Variants in ACIN1 observed in about 807,000 individuals in gnomAD.
ACIN1 encodes the protein apoptotic chromatin condensation inducer 1, also known as apoptotic chromatin condensation inducer in the nucleus.
Under a neutral mutation model 146.6 loss-of-function variants are expected in ACIN1, and 16 were observed. The observed-to-expected ratio is 0.11, with a 90% CI of 0.07 to 0.17. The LOEUF is 0.17. Ranked by LOEUF, ACIN1 falls within the 10% of genes least tolerant of loss-of-function variation. The pLI, the probability that ACIN1 is intolerant of heterozygous loss-of-function variation, is 1.00. For synonymous variants in ACIN1, 569 were observed against 582.7 expected (o/e 0.98, Z 0.34); for missense variants, 1,357 against 1,609.3 (o/e 0.84, Z 2.68).
intron 3 of ACIN1, 125 bp from the exon 4 acceptor site, chr14:23,090,226 G>T: frequency 7.5e-6 from 10 of 1,333,596 alleles, no homozygotes; most frequent in Non-Finnish European, 1.0e-5. Context: ...AAAGAGCACC[G>T]TATAAAAAGA....
intron 3 of ACIN1, 40 bp downstream of exon 3, chr14:23,090,482 A>C (rs2048202652): frequency 1.3e-6 from 2 of 1,566,168 alleles, no homozygotes; most frequent in East Asian, 4.5e-5. Context: ...CAGGGATAAG[A>C]ATGACGAACT....
intron 2 of ACIN1, among the ~76,000 whole-genome samples, chr14:23,091,504 G>A (rs1233336058): frequency 6.6e-6 from 1 of 150,836 alleles, no homozygotes; most frequent in Non-Finnish European, 1.5e-5. Context: ...GGTGGTGGGT[G>A]CAGTGAACTG....
In ACIN1 at chr14:23,078,846, C is replaced by A; in HGVS notation, c.1981G>T (p.Val661Leu). ...CGCTCAGGCTGTAACCTCTGGGTCACATGCTTTTCAGCTGATTCAGGCTGA... is the reference window on the plus strand; with the variant it reads ...CGCTCAGGCTGTAACCTCTGGGTCAAATGCTTTTCAGCTGATTCAGGCTGA... ...LSQPESAEKH[V>L]TQRLQPERGS... Residue 661 changes from valine to leucine, a missense_variant, in exon 7 of 19, where the codon GTG (valine) becomes TTG (leucine). By Grantham distance (32) the Val-to-Leu change is conservative. Around this residue, in one of 4 missense-constraint regions of ACIN1, gnomAD observed 771 missense variants for 746.6 expected, o/e 1.03. Coordinates refer to ENST00000605057, the MANE Select transcript of ACIN1 (RefSeq NM_001386863.1). 6.2e-7 allele frequency: 1 copy of A among 1,613,082 alleles called. No homozygotes were observed. Among genetic ancestry groups the A allele is most frequent in the Non-Finnish European group, 8.5e-7 (1 of 1,180,024 alleles).
intron 18 of ACIN1, among the ~76,000 whole-genome samples, chr14:23,059,845 G>C (rs568713321): frequency 0.011 from 1,614 of 148,246 alleles, 28 homozygotes; most frequent in African/African-American, 0.038. Flanking sequence ...CAGTAGAGAC[G>C]GGGCTTCACC....
rs1233115114 is a variant in ACIN1, at chr14:23,068,735, CT to C, written c.2265+740del. On this transcript the variant is annotated intron_variant, in intron 9 of 18. Transcript: ENST00000605057. The surrounding 1 kb of genome is among the most constrained non-coding windows in gnomAD (Gnocchi z 4.3). Reference sequence around the variant, plus strand: ...AAATAATATTCTGCACATCAAATCACTTTCACCGGCCCCCACCCCCGCAACA... The same window carrying C: ...AAATAATATTCTGCACATCAAATCACTTCACCGGCCCCCACCCCCGCAACA... 2 of 985,404 alleles carry C rather than the reference CT, an allele frequency of 2.0e-6. No homozygotes were observed. The highest frequency in any genetic ancestry group is 3.5e-5 in the African/African-American group (2 of 57,236). 61.0% of individuals were successfully genotyped at this position (985,404 alleles called of 1,614,324 possible).
Position 23,067,786 on chromosome 14 carries a change from G to A in ACIN1, c.2265+1690C>T, listed in dbSNP as rs940650535. ...TTGGAATCCAGGTGATGACTCCAGAGTCCCTTTCTCCTCTGCCTGTAACTG... is the reference window on the plus strand; with the variant it reads ...TTGGAATCCAGGTGATGACTCCAGAATCCCTTTCTCCTCTGCCTGTAACTG... On this transcript the variant is annotated intron_variant, in intron 9 of 18. Coordinates refer to ENST00000605057, the MANE Select transcript of ACIN1 (RefSeq NM_001386863.1). This position sits in a 1 kb window ranked among gnomAD's most constrained non-coding sequence, Gnocchi z 4.6. 2.0e-6 allele frequency: 2 copies of A among 985,824 alleles called. No individual in the cohort carries two copies. Among genetic ancestry groups the A allele is most frequent in the Non-Finnish European group, 2.4e-6 (2 of 830,018 alleles). The allele number at this position is 985,824 out of a possible 1,614,324, so 61.1% of individuals were successfully genotyped here. A position where few individuals can be genotyped will look rare whatever the true frequency, so the allele number is the denominator to read the frequency against.
Position 23,078,511 on chromosome 14 carries a change from T to A in ACIN1, c.2008-245A>T, listed in dbSNP as rs948796307. ...TTTTAATTTTTTTCCTTTTCCTCAGTGATCCTTGTTCTGACAGAATTCTTT... is the reference window on the plus strand; with the variant it reads ...TTTTAATTTTTTTCCTTTTCCTCAGAGATCCTTGTTCTGACAGAATTCTTT... On this transcript the variant is annotated intron_variant, in intron 7 of 18. Transcript: ENST00000605057. 6.6e-5 allele frequency among the ~76,000 whole-genome samples: 10 copies of A among 152,212 alleles called. 1 individual carries two copies. The highest frequency in any genetic ancestry group is 1.3e-4 in the Non-Finnish European group (9 of 68,042).
rs752794146 is a variant in ACIN1, at chr14:23,064,156, G to A, written c.2544C>T (p.Gly848=). Residue 848 remains glycine (G), a synonymous_variant, in exon 12 of 19, where the codon GGC becomes GGT. Coordinates refer to ENST00000605057, the MANE Select transcript of ACIN1 (RefSeq NM_001386863.1). ...RISEDETERN[G]DDGTHDKGLK... ...GCCCCTTGTCATGGGTCCCATCATC[G>A]CCATTACGCTCTGTCTCATCCTCAG... 4.3e-6 allele frequency: 7 copies of A among 1,613,888 alleles called. No homozygotes were observed. Among genetic ancestry groups the A allele is most frequent in the African/African-American group, 4.0e-5 (3 of 74,870 alleles).
At chr14:23,075,580 A>C (rs912881748) in intron 8 of ACIN1, among the ~76,000 whole-genome samples, 1 of 149,830 alleles carries the variant, frequency 6.7e-6, no homozygotes, top group African/African-American at 2.5e-5. Context: ...ATCTCTTCCA[A>C]ATGGTGACAG....
Position 23,064,574 on chromosome 14 carries a change from TG to T in ACIN1, c.2309-87del. 2.0e-6 allele frequency: 3 copies of T among 1,522,862 alleles called. No individual in the cohort carries two copies. In the South Asian group the frequency reaches 3.7e-5, roughly 19 times the overall value. The allele number at this position is 1,522,862 out of a possible 1,614,324, so 94.3% of individuals were successfully genotyped here. A position where few individuals can be genotyped will look rare whatever the true frequency, so the allele number is the denominator to read the frequency against. ...GTAATACCTACAGGTTACCTCTGGC[TG>T]GAGTTTTGGTAAAAGGTTAACTTAA... On this transcript the variant is annotated intron_variant, in intron 10 of 18. Transcript: ENST00000605057.
chr14:23,086,117 G>C lies in ACIN1; in HGVS notation c.436+3865C>G, dbSNP rs1005867337. Among the ~76,000 whole-genome samples the C allele has an allele frequency of 4.6e-5, 7 of 152,178 alleles. No individual in the cohort carries two copies. The East Asian group carries it at 1.3e-3, about 29-fold the overall frequency. On this transcript the variant is annotated intron_variant, in intron 4 of 18. Coordinates refer to ENST00000605057, the MANE Select transcript of ACIN1 (RefSeq NM_001386863.1). Reference sequence around the variant, plus strand: ...AAAAGGTAACCTTAGGTGTGAATAAGAAGCAGGAATGAAGAGAATACAGAC... The same window carrying C: ...AAAAGGTAACCTTAGGTGTGAATAACAAGCAGGAATGAAGAGAATACAGAC...
intron 2 of ACIN1, 57 bp downstream of exon 2, chr14:23,093,422 T>C (rs1325503990): frequency 6.6e-7 from 1 of 1,518,854 alleles, no homozygotes. Flanking sequence ...CACCACGTCC[T>C]TCCATGTGTC....
intron 8 of ACIN1, chr14:23,071,140 G>GAT: frequency 6.4e-7 from 1 of 1,551,388 alleles, no homozygotes; most frequent in Non-Finnish European, 8.7e-7. Flanking sequence ...TTTGCTTTCT[G>GAT]ATAACATGAT....
intron 2 of ACIN1, 65 bp downstream of exon 2, chr14:23,093,414 C>T: frequency 6.8e-7 from 1 of 1,477,200 alleles, no homozygotes; most frequent in Non-Finnish European, 9.5e-7. Flanking sequence ...ATATACAACA[C>T]CACGTCCTTC....
At chr14:23,083,892 T>C (rs573067660) in intron 4 of ACIN1, among the ~76,000 whole-genome samples, 16 of 152,244 alleles carry the variant, frequency 1.1e-4, no homozygotes, top group African/African-American at 3.4e-4. Context: ...CCATGTTGTA[T>C]AGTAATAGTG....
Position 23,077,642 on chromosome 14 carries a change from A to G in ACIN1, c.2123+509T>C, listed in dbSNP as rs1187920231. On this transcript the variant is annotated intron_variant, in intron 8 of 18. Transcript: ENST00000605057. ...AAACTTCTGACTTGAAAGGAACTTC[A>G]TAATTTGCTGTACTGTATGCTGTAA... 2.0e-5 allele frequency among the ~76,000 whole-genome samples: 3 copies of G among 152,224 alleles called. No homozygotes were observed. The South Asian group carries it at 6.2e-4, about 32-fold the overall frequency.
In ACIN1 at chr14:23,078,235, G is replaced by T; in HGVS notation, c.2039C>A (p.Ala680Glu). The T allele has an allele frequency of 2.5e-6, 4 of 1,614,114 alleles. No homozygotes were observed. In the South Asian group the frequency reaches 4.4e-5, roughly 18 times the overall value. ...GSPKKCEAEE[A>E]EPPAATQPQT... Reference sequence around the variant, plus strand: ...GGGCTGTGTGGCAGCTGGTGGCTCTGCCTCTTCAGCTTCACACTTCTTTGG... The same window carrying T: ...GGGCTGTGTGGCAGCTGGTGGCTCTTCCTCTTCAGCTTCACACTTCTTTGG... Residue 680 changes from alanine to glutamate, a missense_variant, in exon 8 of 19, where the codon GCA (alanine) becomes GAA (glutamate). By Grantham distance (107) the Ala-to-Glu change is moderately radical. Coordinates refer to ENST00000605057, the MANE Select transcript of ACIN1 (RefSeq NM_001386863.1).
Position 23,079,896 on chromosome 14 carries a change from A to G in ACIN1, c.1439T>C (p.Leu480Pro). 1 of 1,614,202 alleles carries G rather than the reference A, an allele frequency of 6.2e-7. No homozygotes were observed. Among genetic ancestry groups the G allele is most frequent in the African/African-American group, 1.3e-5 (1 of 75,040 alleles). Residue 480 changes from leucine (L) to proline (P), a missense_variant, in exon 6 of 19, where the codon CTG becomes CCG. Coordinates refer to ENST00000605057, the MANE Select transcript of ACIN1 (RefSeq NM_001386863.1). ...PLPLKIEELA[L>P]AKGITEECLK... ...ACATTCTTCAGTGATTCCTTTGGCC[A>G]GTGCTAATTCCTCAATTTTTAGAGG...
chr14:23,071,070 C>A, intron 8 of ACIN1: 4 of 1,510,468 alleles, frequency 2.6e-6, no homozygotes, highest in Non-Finnish European at 3.6e-6. Context: ...AGAAGGAAGA[C>A]GAAGGGAGCT....
Sources: allele counts gnomAD v4.1 joint callset (sites outside exome capture counted in the v4.1 genomes callset), GRCh38; gene constraint gnomAD v4.1.1; regional missense constraint gnomAD v4.1.1; non-coding constraint Gnocchi (gnomAD v3.1); transcripts MANE v1.5; gene names NCBI Gene and HGNC (gene_info 2026-07-23, HGNC 2026-07-21).